Variants in EPHA6 observed in about 807,000 individuals in gnomAD.
EPHA6 encodes the protein EPH receptor A6.
In EPHA6, 50 loss-of-function variants were observed where a neutral mutation model predicts 112.0. The observed-to-expected ratio is 0.45, with a 90% CI of 0.36 to 0.56. The LOEUF is 0.56. Ranked by LOEUF, EPHA6 falls within the 20% of genes least tolerant of loss-of-function variation. The pLI, the probability that EPHA6 is intolerant of heterozygous loss-of-function variation, is 0.00. For missense variants in EPHA6, 1,280 were observed against 1,417.4 expected (o/e 0.90, Z 1.56); for synonymous variants, 529 against 490.7 (o/e 1.08, Z -1.03).
chr3:97,535,067 C>CACAT (rs2092744839), intron 11 of EPHA6, among the ~76,000 whole-genome samples: 1 of 151,550 alleles, frequency 6.6e-6, no homozygotes, highest in African/African-American at 2.4e-5. Flanking sequence ...CACACACACA[C>CACAT]GAAAAGGAAA....
At chr3:97,070,373 G>T (rs1332935941) in intron 3 of EPHA6, among the ~76,000 whole-genome samples, 1 of 152,040 alleles carries the variant, frequency 6.6e-6, no homozygotes, top group Non-Finnish European at 1.5e-5. Flanking sequence ...AAAAATATTT[G>T]TTTAGTTGGC....
intron 14 of EPHA6, among the ~76,000 whole-genome samples, chr3:97,644,099 C>T (rs2094035120): frequency 1.3e-5 from 2 of 151,864 alleles, no homozygotes; most frequent in African/African-American, 4.8e-5. Flanking sequence ...TCTCAGACCA[C>T]AGTGCAATCA....
intron 17 of EPHA6, 76 bp from the exon 18 acceptor site, chr3:97,748,511 T>C (rs2035806070): frequency 4.1e-6 from 3 of 737,124 alleles, no homozygotes; most frequent in Non-Finnish European, 7.2e-6. Flanking sequence ...AATGTTCATA[T>C]TCTGTATCTC....
intron 3 of EPHA6, among the ~76,000 whole-genome samples, chr3:97,072,217 T>C (rs936749432): frequency 1.3e-5 from 2 of 152,090 alleles, no homozygotes; most frequent in South Asian, 4.1e-4. Flanking sequence ...TAAAAAGGAA[T>C]GAAATAATGG....
In EPHA6 at chr3:96,993,893, T is replaced by C. The variant is rs533354400; in HGVS notation, c.1114+5900T>C. Among the ~76,000 whole-genome samples the C allele has an allele frequency of 2.6e-5, 4 of 152,322 alleles. No homozygotes were observed. In the East Asian group the frequency reaches 7.7e-4, roughly 29 times the overall value. On this transcript the variant is annotated intron_variant, in intron 3 of 17. Coordinates refer to ENST00000389672, the MANE Select transcript of EPHA6 (RefSeq NM_001080448.3). Reference sequence around the variant, plus strand: ...GAGACCTCTTGGTCAGCTATGCAACTAAGACACAATAAGCTGATTTAAAAT... The same window carrying C: ...GAGACCTCTTGGTCAGCTATGCAACCAAGACACAATAAGCTGATTTAAAAT...
At chr3:97,231,514 A>G (rs2078524529) in intron 4 of EPHA6, among the ~76,000 whole-genome samples, 1 of 152,182 alleles carries the variant, frequency 6.6e-6, no homozygotes, top group Non-Finnish European at 1.5e-5. Flanking sequence ...AAGCATGGTG[A>G]GGGGGCATAT....
At chr3:97,324,917 A>T (rs1170724380) in intron 5 of EPHA6, among the ~76,000 whole-genome samples, 1 of 152,166 alleles carries the variant, frequency 6.6e-6, no homozygotes, top group Non-Finnish European at 1.5e-5. Context: ...ATACACATTC[A>T]GGAAATATTT....
intron 2 of EPHA6, among the ~76,000 whole-genome samples, chr3:96,950,809 C>T (rs1016422386): frequency 6.6e-6 from 1 of 151,896 alleles, no homozygotes; most frequent in African/African-American, 2.4e-5. Context: ...GTTGATATGC[C>T]AGTTTTTTAC....
chr3:96,939,350 G>C lies in EPHA6; in HGVS notation c.451-47980G>C, dbSNP rs144991012. Among the ~76,000 whole-genome samples the C allele has an allele frequency of 8.2e-3, 1,243 of 152,212 alleles. 15 individuals carry two copies. The highest frequency in any genetic ancestry group is 0.022 in the African/African-American group (927 of 41,544). ...TTAGTCTTGGGAGGGTGTATGTGTC[G>C]AGGAATTTATCCACTTCTTCTAGAT... is the stretch of plus-strand genomic sequence containing the variant. On this transcript the variant is annotated intron_variant, in intron 2 of 17. Coordinates refer to ENST00000389672, the MANE Select transcript of EPHA6 (RefSeq NM_001080448.3).
intron 2 of EPHA6, among the ~76,000 whole-genome samples, chr3:96,982,042 G>A (rs1202349416): frequency 2.0e-5 from 3 of 152,020 alleles, no homozygotes; most frequent in Admixed American, 6.6e-5. Flanking sequence ...GGTTTTTTGT[G>A]TCTCTATCTC....
intron 3 of EPHA6, among the ~76,000 whole-genome samples, chr3:97,195,147 T>C (rs911581076): frequency 4.6e-5 from 7 of 152,020 alleles, no homozygotes; most frequent in African/African-American, 1.4e-4. Context: ...GTCTTCTCTT[T>C]CTCCCTTTCC....
chr3:97,546,424 A>C (rs533409479), intron 11 of EPHA6, among the ~76,000 whole-genome samples: 128 of 150,164 alleles, frequency 8.5e-4, no homozygotes, highest in African/African-American at 2.8e-3. Context: ...GAGTTTCTGC[A>C]GAGAGATCAG....
chr3:97,380,903 T>C (rs1190632994), intron 5 of EPHA6, among the ~76,000 whole-genome samples: 1 of 152,154 alleles, frequency 6.6e-6, no homozygotes, highest in Non-Finnish European at 1.5e-5. Context: ...CTATAATGTA[T>C]TAGTTTTATT....
intron 3 of EPHA6, among the ~76,000 whole-genome samples, chr3:97,197,558 A>G (rs1040298674): frequency 1.3e-5 from 2 of 151,732 alleles, no homozygotes; most frequent in Non-Finnish European, 2.9e-5. Flanking sequence ...TTGGAAAACA[A>G]TGTTCTCTCC....
At chr3:97,635,297 G>A (rs1408223407) in intron 13 of EPHA6, among the ~76,000 whole-genome samples, 1 of 151,924 alleles carries the variant, frequency 6.6e-6, no homozygotes, top group Non-Finnish European at 1.5e-5. Context: ...TATTAGAACC[G>A]TTATTACCAT....
intron 14 of EPHA6, among the ~76,000 whole-genome samples, chr3:97,680,694 A>G (rs978286964): frequency 2.0e-5 from 3 of 152,200 alleles, no homozygotes; most frequent in African/African-American, 4.8e-5. Context: ...GGCAGAGATC[A>G]TATCCCCAGT....
chr3:97,164,727 T>C (rs549325974), intron 3 of EPHA6, among the ~76,000 whole-genome samples: 1 of 152,246 alleles, frequency 6.6e-6, no homozygotes, highest in South Asian at 2.1e-4. Context: ...AGTCTTTTTT[T>C]CATGATTAAG....
intron 11 of EPHA6, among the ~76,000 whole-genome samples, chr3:97,591,002 C>G (rs2093538798): frequency 6.6e-6 from 1 of 152,178 alleles, no homozygotes; most frequent in Admixed American, 6.5e-5. Flanking sequence ...TTGCACTACT[C>G]CTTGTAAGTT....
intron 12 of EPHA6, among the ~76,000 whole-genome samples, chr3:97,597,656 T>C (rs1216555927): frequency 3.3e-5 from 5 of 152,252 alleles, no homozygotes; most frequent in African/African-American, 1.2e-4. Flanking sequence ...AAAATGTCTT[T>C]ACAGTACACT....
Sources: allele counts gnomAD v4.1 joint callset (sites outside exome capture counted in the v4.1 genomes callset), GRCh38; gene constraint gnomAD v4.1.1; transcripts MANE v1.5; gene names NCBI Gene and HGNC (gene_info 2026-07-23, HGNC 2026-07-21).